VPS13B: variants seen among roughly 807,000 people sequenced by gnomAD.
VPS13B encodes the protein vacuolar protein sorting 13 homolog B.
In VPS13B, 285 loss-of-function variants were observed where a neutral mutation model predicts 426.4. The ratio of observed to expected loss-of-function variants is 0.67; its 90% CI spans 0.61 to 0.74. The LOEUF (loss-of-function observed/expected upper bound fraction) is 0.74. Among genes scored for constraint, VPS13B ranks in the 30% least tolerant of loss-of-function variants. The probability of loss-of-function intolerance (pLI) is 0.00; values close to 1 mark genes in which losing one functional copy is unlikely to be tolerated. For missense variants in VPS13B, 4,537 were observed against 4,782.6 expected (o/e 0.95, Z 1.51); for synonymous variants, 1,676 against 1,676.4 (o/e 1.00, Z 0.01).
At chr8:99,148,685 T>C (rs892664999) in intron 14 of VPS13B, among the ~76,000 whole-genome samples, 1 of 152,224 alleles carries the variant, frequency 6.6e-6, no homozygotes, top group Non-Finnish European at 1.5e-5. Context: ...CCAGTAAAAC[T>C]GTCAGCCTGC....
intron 43 of VPS13B, among the ~76,000 whole-genome samples, chr8:99,786,461 G>T (rs1334470030): frequency 6.6e-6 from 1 of 152,076 alleles, no homozygotes; most frequent in African/African-American, 2.4e-5. Flanking sequence ...TTGTCTGTTA[G>T]AATAGCCAAG....
chr8:99,441,518 T>C (rs1482333128), intron 22 of VPS13B, among the ~76,000 whole-genome samples: 1 of 152,150 alleles, frequency 6.6e-6, no homozygotes, highest in African/African-American at 2.4e-5. Context: ...ATTTTCTCAA[T>C]AACTTAAGTA....
At chr8:99,684,174 A>C (rs1009031689) in intron 35 of VPS13B, among the ~76,000 whole-genome samples, 3 of 152,242 alleles carry the variant, frequency 2.0e-5, no homozygotes, top group African/African-American at 7.2e-5. Context: ...GTTGTGGTAC[A>C]TCATTAGTTC....
chr8:99,336,830 A>T (rs372343013), intron 19 of VPS13B, among the ~76,000 whole-genome samples: 6 of 150,136 alleles, frequency 4.0e-5, no homozygotes, highest in Non-Finnish European at 5.9e-5. Flanking sequence ...CTCACACCAG[A>T]TAGAATGGCG....
chr8:99,785,523 T>C (rs1191293127), intron 43 of VPS13B, among the ~76,000 whole-genome samples: 1 of 152,164 alleles, frequency 6.6e-6, no homozygotes, highest in Non-Finnish European at 1.5e-5. Flanking sequence ...TACATGTCTG[T>C]TTTTCATAAA....
At chr8:99,712,282 T>G (rs1419070183) in intron 36 of VPS13B, among the ~76,000 whole-genome samples, 2 of 152,232 alleles carry the variant, frequency 1.3e-5, no homozygotes. Flanking sequence ...ACATGCTGAC[T>G]GCCAGCAGTT....
chr8:99,234,494 G>A (rs769164175), intron 17 of VPS13B: 4 of 539,256 alleles, frequency 7.4e-6, no homozygotes, highest in Admixed American at 2.2e-5. Flanking sequence ...GACTCTACAC[G>A]CCGGTAGGGA....
At chr8:99,410,084 CA>C (rs1815550161) in intron 21 of VPS13B, among the ~76,000 whole-genome samples, 1 of 152,118 alleles carries the variant, frequency 6.6e-6, no homozygotes, top group African/African-American at 2.4e-5. Flanking sequence ...ACCACTCTAC[CA>C]TTTATCTCTG....
intron 35 of VPS13B, among the ~76,000 whole-genome samples, chr8:99,685,092 C>T (rs528478650): frequency 6.6e-6 from 1 of 152,208 alleles, no homozygotes; most frequent in South Asian, 2.1e-4. Context: ...TGAGCCACCG[C>T]GCCTGGCCCC....
At position 99,705,605 on chromosome 8, in the gene VPS13B, A is replaced by G. The variant is rs193267464; in HGVS notation, c.6454+5673A>G. 3.5e-3 allele frequency among the ~76,000 whole-genome samples: 531 copies of G among 152,290 alleles called. 1 individual carries two copies. The highest frequency in any genetic ancestry group is 3.9e-3 in the Non-Finnish European group (267 of 68,020). On this transcript the variant is annotated intron_variant, in intron 36 of 61. Transcript: ENST00000357162. ...GTATGTGCTGCTCAGCCGTGTTTACATAGTCATGTATTGTTTTGTTTAACC... is the reference window on the plus strand; with the variant it reads ...GTATGTGCTGCTCAGCCGTGTTTACGTAGTCATGTATTGTTTTGTTTAACC...
chr8:99,369,209 C>T (rs866780816), intron 19 of VPS13B, among the ~76,000 whole-genome samples: 21 of 152,258 alleles, frequency 1.4e-4, no homozygotes, highest in Middle Eastern at 3.4e-3. Context: ...TTCCTTTATT[C>T]ATCTTTGAAC....
chr8:99,802,280 T>C (rs1007516035), intron 43 of VPS13B, among the ~76,000 whole-genome samples: 1 of 152,130 alleles, frequency 6.6e-6, no homozygotes, highest in Non-Finnish European at 1.5e-5. Context: ...CTAGGAATTA[T>C]GGAGACTACA....
intron 23 of VPS13B, among the ~76,000 whole-genome samples, chr8:99,460,285 A>G (rs1051896671): frequency 1.3e-5 from 2 of 152,082 alleles, no homozygotes; most frequent in East Asian, 3.9e-4. Flanking sequence ...TCGGAGCTGT[A>G]TTATGATTTG....
intron 19 of VPS13B, among the ~76,000 whole-genome samples, chr8:99,326,481 T>TTTTTTTTC (rs1810282484): frequency 8.0e-6 from 1 of 125,766 alleles, no homozygotes; most frequent in Non-Finnish European, 1.7e-5. Context: ...TTTTTTTTTT[T>TTTTTTTTC]TGAGACAGAA....
intron 15 of VPS13B, among the ~76,000 whole-genome samples, chr8:99,163,956 C>T (rs1053983844): frequency 6.6e-6 from 1 of 152,196 alleles, no homozygotes; most frequent in South Asian, 2.1e-4. Context: ...CATGCTGTCA[C>T]CTCTCAATCC....
chr8:99,633,489 G>A (rs1313412548), intron 33 of VPS13B, among the ~76,000 whole-genome samples: 2 of 151,954 alleles, frequency 1.3e-5, no homozygotes, highest in African/African-American at 4.8e-5. Context: ...GCTCTAAGGA[G>A]CCAATCTAAG....
Position 99,192,596 on chromosome 8 carries a change from A to T in VPS13B, c.2334-280A>T, listed in dbSNP as rs556504217. Among the ~76,000 whole-genome samples the T allele has an allele frequency of 7.9e-5, 12 of 152,292 alleles. No individual in the cohort carries two copies. The East Asian group carries it at 2.3e-3, about 29-fold the overall frequency. ...AGCACTATTTTTATTTTTACTCAGG[A>T]TGATTGCCTTGATTATGTAGTAATT... On this transcript the variant is annotated intron_variant, in intron 16 of 61. Transcript: ENST00000357162.
At chr8:99,368,680 G>A (rs934474462) in intron 19 of VPS13B, among the ~76,000 whole-genome samples, 2 of 152,002 alleles carry the variant, frequency 1.3e-5, no homozygotes, top group African/African-American at 4.8e-5. Flanking sequence ...AAAAATAGTG[G>A]TGCTAAATAG....
At chr8:99,537,188 T>G (rs1195419331) in intron 30 of VPS13B, among the ~76,000 whole-genome samples, 1 of 152,152 alleles carries the variant, frequency 6.6e-6, no homozygotes, top group Non-Finnish European at 1.5e-5. Context: ...ATGTCTATCA[T>G]CAAAAATTTA....
Sources: gnomAD v4.1 joint callset for allele counts (sites outside exome capture counted in the v4.1 genomes callset) on GRCh38, gnomAD v4.1.1 for gene constraint, MANE v1.5 for transcripts, NCBI Gene and HGNC (gene_info 2026-07-23, HGNC 2026-07-21) for gene names.